The following ERI3 variants were observed in gnomAD, a reference collection of about 807,000 sequenced individuals.
ERI3 encodes ERI1 exoribonuclease 3.
A neutral mutation model predicts 44.4 loss-of-function variants in ERI3; 18 were observed. The observed-to-expected ratio is 0.41, with a 90% confidence interval of 0.28 to 0.60. The LOEUF is 0.60. Among genes scored for constraint, ERI3 ranks in the 20% least tolerant of loss-of-function variants. The pLI is 0.36. For missense variants in ERI3, 294 were observed against 435.5 expected, an observed-to-expected ratio of 0.68 and a Z score of 2.89; for synonymous variants, 183 against 164.8, an observed-to-expected ratio of 1.11 and a Z score of -0.84.
intron 3 of ERI3, among the ~76,000 whole-genome samples, chr1:44,338,116 G>C (rs913973648): frequency 6.6e-6 from 1 of 152,176 alleles, no homozygotes; most frequent in African/African-American, 2.4e-5. Context: ...AACACAGCTG[G>C]TGACTAATGA....
At chr1:44,292,284 T>C (rs1027714002) in intron 6 of ERI3, among the ~76,000 whole-genome samples, 2 of 150,236 alleles carry the variant, frequency 1.3e-5, no homozygotes, top group Non-Finnish European at 3.0e-5. Context: ...GAAGGAGATA[T>C]GAATAGAGGA....
intron 3 of ERI3, among the ~76,000 whole-genome samples, chr1:44,323,740 C>T (rs1034073459): frequency 2.6e-5 from 4 of 152,244 alleles, no homozygotes; most frequent in Non-Finnish European, 4.4e-5. Flanking sequence ...GAATCATAGT[C>T]ATCCCTATTT....
intron 7 of ERI3, chr1:44,283,944 C>G (rs954141417): frequency 4.3e-6 from 2 of 466,986 alleles, no homozygotes; most frequent in African/African-American, 2.0e-5. Flanking sequence ...AGCCTCACCC[C>G]CCTTGACCTC....
chr1:44,313,032 C>T (rs186813730), intron 5 of ERI3, 137 bp downstream of exon 5: 1 of 773,472 alleles, frequency 1.3e-6, no homozygotes, highest in Admixed American at 2.1e-5. Context: ...AACAGCATGT[C>T]ACTGATGTGA....
chr1:44,324,876 T>C (rs952787995), intron 3 of ERI3, among the ~76,000 whole-genome samples: 1 of 152,160 alleles, frequency 6.6e-6, no homozygotes, highest in African/African-American at 2.4e-5. Flanking sequence ...TGGCCATAAC[T>C]TAACAGCTAA....
At chr1:44,238,699 G>C (rs1273114094) in intron 8 of ERI3, among the ~76,000 whole-genome samples, 1 of 152,038 alleles carries the variant, frequency 6.6e-6, no homozygotes. Context: ...TGGGCCCATG[G>C]AAGGGATATT....
At chr1:44,222,895 A>G (rs946080237) in intron 8 of ERI3, among the ~76,000 whole-genome samples, 1 of 152,214 alleles carries the variant, frequency 6.6e-6, no homozygotes, top group African/African-American at 2.4e-5. Context: ...AAGCCTCTGC[A>G]TGTCAAGGCC....
rs778936296 is a variant in ERI3 at position 44,259,920 on chromosome 1, T to TAGATAGATAGACAGAC, written c.832-11883_832-11882insGTCTGTCTATCTATCT. On this transcript the variant is annotated intron_variant, in intron 7 of 8. Transcript: ENST00000372257. ...ATAGATAGATAGATAGATAGATAGA[T>TAGATAGATAGACAGAC]AGACAGACAGACAGACAGACAGACA... Among the ~76,000 whole-genome samples the TAGATAGATAGACAGAC allele has an allele frequency of 2.6e-3, 332 of 129,704 alleles. 1 individual carries two copies. Among genetic ancestry groups the TAGATAGATAGACAGAC allele is most frequent in the African/African-American group, 7.3e-3 (252 of 34,424 alleles). 85.1% of individuals were successfully genotyped at this position (129,704 alleles called of 152,430 possible). A position where few individuals can be genotyped will look rare whatever the true frequency, so the allele number is the denominator to read the frequency against.
intron 8 of ERI3, among the ~76,000 whole-genome samples, chr1:44,244,473 G>A (rs190121787): frequency 6.6e-6 from 1 of 152,178 alleles, no homozygotes; most frequent in African/African-American, 2.4e-5. Flanking sequence ...TGTGGTGACA[G>A]AGCACTGTGT....
intron 8 of ERI3, among the ~76,000 whole-genome samples, chr1:44,244,917 G>A (rs1177622223): frequency 6.6e-6 from 1 of 152,066 alleles, no homozygotes; most frequent in African/African-American, 2.4e-5. Flanking sequence ...CCTGGACATG[G>A]CTCAGCTGTG....
intron 5 of ERI3, among the ~76,000 whole-genome samples, chr1:44,310,185 A>G (rs1472404306): frequency 6.6e-6 from 1 of 151,986 alleles, no homozygotes; most frequent in African/African-American, 2.4e-5. Context: ...ACAGTGCTAC[A>G]GGACCAAGAA....
chr1:44,342,812 AATATATAT>A lies in ERI3; in HGVS notation c.212-3498_212-3491del, dbSNP rs59012227. 9.9e-3 allele frequency among the ~76,000 whole-genome samples: 305 copies of A among 30,890 alleles called. 21 individuals carry two copies. Among genetic ancestry groups the A allele is most frequent in the Middle Eastern group, 0.031 (1 of 32 alleles). The allele number at this position is 30,890 out of a possible 152,430, so 20.3% of individuals were successfully genotyped here. A position where few individuals can be genotyped will look rare whatever the true frequency, so the allele number is the denominator to read the frequency against. On this transcript the variant is annotated intron_variant, in intron 2 of 8. Coordinates refer to ENST00000372257, the MANE Select transcript of ERI3 (RefSeq NM_024066.3). ...CAGGCATGTGCCACCACATCCAGCT[AATATATAT>A]ATATATATATATATATATATATATA... is the stretch of plus-strand genomic sequence containing the variant.
intron 8 of ERI3, among the ~76,000 whole-genome samples, chr1:44,225,389 A>C (rs576122092): frequency 5.3e-5 from 8 of 152,200 alleles, no homozygotes; most frequent in Admixed American, 2.6e-4. Context: ...CGGCCTCCCA[A>C]AGGGCTGGGA....
intron 7 of ERI3, among the ~76,000 whole-genome samples, chr1:44,280,389 T>A (rs543508001): frequency 6.6e-6 from 1 of 152,320 alleles, no homozygotes; most frequent in South Asian, 2.1e-4. Flanking sequence ...TTTCCACTGC[T>A]ATCAGTTCAA....
At chr1:44,281,876 ATATGTGTGTG>A (rs1479676519) in intron 7 of ERI3, among the ~76,000 whole-genome samples, 47 of 96,862 alleles carry the variant, frequency 4.9e-4, no homozygotes, top group African/African-American at 1.6e-3. Context: ...ATACATGTGC[ATATGTGTGTG>A]TGTGTGTGTG....
chr1:44,284,705 T>C, intron 7 of ERI3, 130 bp downstream of exon 7: 1 of 700,064 alleles, frequency 1.4e-6, no homozygotes, highest in Non-Finnish European at 2.4e-6. Flanking sequence ...AGGAAAAGGA[T>C]GAAGTTAAGA....
intron 8 of ERI3, among the ~76,000 whole-genome samples, chr1:44,245,953 T>G (rs936252916): frequency 5.3e-5 from 8 of 152,204 alleles, no homozygotes; most frequent in Non-Finnish European, 8.8e-5. Context: ...TTTACTCACC[T>G]ACTCATTCAT....
At chr1:44,334,628 A>C (rs1646497078) in intron 3 of ERI3, among the ~76,000 whole-genome samples, 1 of 152,250 alleles carries the variant, frequency 6.6e-6, no homozygotes, top group Non-Finnish European at 1.5e-5. Context: ...CTATCATGTT[A>C]ATCTGAATCA....
intron 8 of ERI3, among the ~76,000 whole-genome samples, chr1:44,233,390 G>A (rs1362274897): frequency 6.7e-6 from 1 of 150,306 alleles, no homozygotes; most frequent in African/African-American, 2.4e-5. Flanking sequence ...AGAGGGCCAA[G>A]CCTGATGTCA....
Sources: allele counts gnomAD v4.1 joint callset (sites outside exome capture counted in the v4.1 genomes callset), GRCh38; gene constraint gnomAD v4.1.1; transcripts MANE v1.5; gene names NCBI Gene and HGNC (gene_info 2026-07-23, HGNC 2026-07-21).